The following RBM41 variants were observed in gnomAD, a reference collection of about 807,000 sequenced individuals.
RBM41 encodes the protein RNA binding motif protein 41.
In RBM41, 14 loss-of-function variants were observed where a neutral mutation model predicts 30.8. The observed-to-expected ratio is 0.45, with a 90% CI of 0.30 to 0.71. RBM41 has a LOEUF of 0.71. RBM41 is among the 30% of genes least tolerant of loss of function. The pLI is 0.08. For missense variants in RBM41, 276 were observed against 326.3 expected, an observed-to-expected ratio of 0.85 and a Z score of 1.19; for synonymous variants, 120 against 110.1, an observed-to-expected ratio of 1.09 and a Z score of -0.56.
At chrX:107,052,982 C>T in the RBM41 span, among the ~76,000 whole-genome samples, 2 of 112,246 alleles carry the variant, frequency 1.8e-5, no homozygotes, top group African/African-American at 6.5e-5. Flanking sequence ...AAGTCTAAAG[C>T]TCTTCGATTT....
chrX:107,069,721 C>T (rs1935979591), intron 6 of RBM41: 1 of 159,621 alleles, frequency 6.3e-6, no homozygotes, highest in South Asian at 2.3e-4. Context: ...TCCCAAAATG[C>T]TGGGATTACA....
At chrX:107,058,801 C>G (rs988178438), downstream of RBM41, among the ~76,000 whole-genome samples, 6 of 111,130 alleles carry the variant, frequency 5.4e-5, no homozygotes, top group Non-Finnish European at 1.1e-4. Context: ...ATCAGGGTAC[C>G]CTCATGGTCA....
At chrX:107,103,244 G>A (rs1368157793) in intron 5 of RBM41, among the ~76,000 whole-genome samples, 2 of 111,319 alleles carry the variant, frequency 1.8e-5, no homozygotes, top group Non-Finnish European at 3.8e-5. Context: ...TGAAATATTT[G>A]GAAATAGGGT....
chrX:107,113,295 T>C (rs983373488), intron 5 of RBM41, 102 bp downstream of exon 5: 47 of 910,072 alleles, frequency 5.2e-5, no homozygotes, highest in Non-Finnish European at 6.2e-5. Flanking sequence ...GATCATTTCC[T>C]ATAAACATTG....
intron 4 of RBM41, 150 bp downstream of exon 4, chrX:107,115,202 T>C: frequency 3.6e-6 from 2 of 559,655 alleles, no homozygotes; most frequent in African/African-American, 2.3e-5. Flanking sequence ...TGTGCACATA[T>C]TTGTCTCTCT....
the RBM41 span, among the ~76,000 whole-genome samples, chrX:107,056,719 T>A: frequency 1.8e-5 from 2 of 111,592 alleles, no homozygotes; most frequent in Admixed American, 1.9e-4. Flanking sequence ...GACAGTAATA[T>A]TCCCATTTTA....
chrX:107,108,938 T>A (rs1308982259), intron 5 of RBM41, among the ~76,000 whole-genome samples: 1 of 111,834 alleles, frequency 8.9e-6, no homozygotes, highest in Non-Finnish European at 1.9e-5. Context: ...TGAGATGTAA[T>A]TGGTATGACA....
chrX:107,099,776 T>C (rs1156620637), intron 5 of RBM41, among the ~76,000 whole-genome samples: 1 of 109,609 alleles, frequency 9.1e-6, no homozygotes, highest in Admixed American at 9.7e-5. Flanking sequence ...TAAAGCAAAC[T>C]AAGTGTAATG....
chrX:107,078,218 T>C (rs1921162901), intron 6 of RBM41, among the ~76,000 whole-genome samples: 1 of 111,557 alleles, frequency 9.0e-6, no homozygotes, highest in African/African-American at 3.3e-5. Context: ...CTTAGGTAGT[T>C]TGTCAGGTTT....
chrX:107,094,739 G>A (rs1234341646), intron 5 of RBM41, among the ~76,000 whole-genome samples: 1 of 111,343 alleles, frequency 9.0e-6, no homozygotes, highest in East Asian at 2.8e-4. Flanking sequence ...AAGAAGGTCA[G>A]AGACAGAATG....
At chrX:107,100,866 A>T (rs184235582) in intron 5 of RBM41, among the ~76,000 whole-genome samples, 2 of 112,282 alleles carry the variant, frequency 1.8e-5, no homozygotes, top group Non-Finnish European at 3.8e-5. Context: ...GTGCAACTAC[A>T]GTAGAATGGA....
At chrX:107,106,331 AC>A (rs1419524345) in intron 5 of RBM41, among the ~76,000 whole-genome samples, 1 of 111,917 alleles carries the variant, frequency 8.9e-6, no homozygotes, top group Non-Finnish European at 1.9e-5. Context: ...ACCATCTCAC[AC>A]CAGTTAGAAT....
chrX:107,112,632 G>C (rs191413976), intron 5 of RBM41, among the ~76,000 whole-genome samples: 1 of 111,388 alleles, frequency 9.0e-6, no homozygotes, highest in Admixed American at 9.6e-5. Flanking sequence ...GAAACAACCC[G>C]AATGCACTTC....
intron 5 of RBM41, among the ~76,000 whole-genome samples, chrX:107,103,427 G>T (rs1262745246): frequency 1.2e-4 from 1 of 8,537 alleles, no homozygotes; most frequent in East Asian, 5.8e-3. Flanking sequence ...GGAACACCAA[G>T]AATTGCTGGC....
chrX:107,115,303 ATCTT>A, intron 4 of RBM41, 45 bp downstream of exon 4: 1 of 1,152,510 alleles, frequency 8.7e-7, no homozygotes, highest in Non-Finnish European at 1.2e-6. Flanking sequence ...CTGCTGTTTA[ATCTT>A]TCTCTCAGTG....
intron 6 of RBM41, among the ~76,000 whole-genome samples, chrX:107,079,283 T>G (rs996494905): frequency 8.0e-5 from 9 of 112,486 alleles, no homozygotes; most frequent in African/African-American, 2.9e-4. Flanking sequence ...CATTATCACA[T>G]GGATCATTTC....
chrX:107,108,134 C>T (rs1924168590), intron 5 of RBM41, among the ~76,000 whole-genome samples: 1 of 111,463 alleles, frequency 9.0e-6, no homozygotes, highest in African/African-American at 3.3e-5. Flanking sequence ...ATTTAAGTCC[C>T]AGCATGGCCA....
downstream of RBM41, among the ~76,000 whole-genome samples, chrX:107,058,883 C>T (rs773243051): frequency 9.0e-6 from 1 of 111,252 alleles, no homozygotes; most frequent in East Asian, 2.8e-4. Flanking sequence ...GGCAGAGAGA[C>T]AGCACTCTTG....
downstream of RBM41, among the ~76,000 whole-genome samples, chrX:107,058,857 C>A (rs1479895981): frequency 9.0e-6 from 1 of 111,302 alleles, no homozygotes; most frequent in Non-Finnish European, 1.9e-5. Flanking sequence ...ACTGAAATCT[C>A]CCTGTATCCT....
Sources: gnomAD v4.1 joint callset for allele counts (sites outside exome capture counted in the v4.1 genomes callset) on GRCh38, gnomAD v4.1.1 for gene constraint, MANE v1.5 for transcripts, NCBI Gene and HGNC (gene_info 2026-07-23, HGNC 2026-07-21) for gene names.